Variants in SYT16 observed in about 807,000 individuals in gnomAD.
The protein encoded by SYT16 is synaptotagmin-16.
In SYT16, 42 loss-of-function variants were observed where a neutral mutation model predicts 61.4. The ratio of observed to expected loss-of-function variants is 0.68; its 90% confidence interval spans 0.53 to 0.89. The LOEUF (loss-of-function observed/expected upper bound fraction) is 0.89, where lower values mean the gene tolerates loss of function less well. Among genes scored for constraint, SYT16 ranks in the 40% least tolerant of loss-of-function variants. SYT16 has a pLI of 0.00. For missense variants in SYT16, 804 were observed against 807.3 expected, an observed-to-expected ratio of 1.00 and a Z score of 0.05; for synonymous variants, 314 against 302.3, an observed-to-expected ratio of 1.04 and a Z score of -0.40.
At chr14:62,009,965 G>C (rs1248951396) in intron 3 of SYT16, among the ~76,000 whole-genome samples, 2 of 152,110 alleles carry the variant, frequency 1.3e-5, no homozygotes, top group Admixed American at 6.6e-5. Flanking sequence ...TGTAATCTCT[G>C]GCCTATTTCC....
chr14:62,014,034 TG>T (rs1289164425), intron 3 of SYT16, among the ~76,000 whole-genome samples: 3 of 152,154 alleles, frequency 2.0e-5, no homozygotes, highest in Admixed American at 1.3e-4. Context: ...GGACTCCACT[TG>T]TTCCTGGTTT....
intron 1 of SYT16, among the ~76,000 whole-genome samples, chr14:61,853,974 A>G (rs1465949642): frequency 6.6e-6 from 1 of 152,194 alleles, no homozygotes; most frequent in African/African-American, 2.4e-5. Context: ...GTAAGTCAAA[A>G]AGGTGTACAC....
intron 3 of SYT16, among the ~76,000 whole-genome samples, chr14:62,036,899 G>T (rs1230538136): frequency 6.6e-6 from 1 of 152,144 alleles, no homozygotes; most frequent in Non-Finnish European, 1.5e-5. Context: ...TTCCTGAGGA[G>T]CACTGGTGCC....
At chr14:61,864,242 C>T (rs745406956) in intron 1 of SYT16, among the ~76,000 whole-genome samples, 18 of 152,252 alleles carry the variant, frequency 1.2e-4, no homozygotes, top group Non-Finnish European at 1.6e-4. Flanking sequence ...TACAGGCTGA[C>T]GTTGTCCAAC....
chr14:62,094,212 A>G (rs185542223), intron 7 of SYT16, among the ~76,000 whole-genome samples: 2 of 152,164 alleles, frequency 1.3e-5, no homozygotes, highest in African/African-American at 4.8e-5. Context: ...ATGTCACATT[A>G]TTCACCTGAG....
At chr14:62,060,879 A>G (rs192119321) in intron 3 of SYT16, among the ~76,000 whole-genome samples, 1 of 152,160 alleles carries the variant, frequency 6.6e-6, no homozygotes, top group African/African-American at 2.4e-5. Flanking sequence ...TTCTTTCTAT[A>G]AGAGTTGTGT....
intron 1 of SYT16, among the ~76,000 whole-genome samples, chr14:61,813,619 G>T (rs2045336698): frequency 6.6e-6 from 1 of 152,138 alleles, no homozygotes; most frequent in Non-Finnish European, 1.5e-5. Flanking sequence ...GAGTGAATGG[G>T]GCTGGATGTG....
chr14:62,011,872 T>TACACACACAC (rs1233473446), intron 3 of SYT16, among the ~76,000 whole-genome samples: 3,270 of 135,802 alleles, frequency 0.024, 135 homozygotes, highest in African/African-American at 0.086. Context: ...GAACACTATA[T>TACACACACAC]ATACACACAC....
intron 1 of SYT16, among the ~76,000 whole-genome samples, chr14:61,815,197 G>T (rs1319090988): frequency 6.6e-6 from 1 of 152,162 alleles, no homozygotes; most frequent in Non-Finnish European, 1.5e-5. Flanking sequence ...AGTGATACAG[G>T]AACTACTGTT....
At chr14:62,053,019 G>A (rs539410991) in intron 3 of SYT16, among the ~76,000 whole-genome samples, 7 of 152,306 alleles carry the variant, frequency 4.6e-5, no homozygotes, top group East Asian at 1.9e-4. Flanking sequence ...CTTTGGAACC[G>A]GGTAATGGGT....
chr14:62,026,939 T>A (rs2054124828), intron 3 of SYT16, among the ~76,000 whole-genome samples: 1 of 152,192 alleles, frequency 6.6e-6, no homozygotes, highest in African/African-American at 2.4e-5. Flanking sequence ...GCCTGCTTGA[T>A]CTTTCAGAGA....
intron 1 of SYT16, among the ~76,000 whole-genome samples, chr14:61,964,459 C>T (rs143807132): frequency 1.3e-5 from 2 of 152,258 alleles, no homozygotes; most frequent in South Asian, 2.1e-4. Context: ...TGGAGCCTAA[C>T]GATGTGACTG....
At chr14:61,974,198 G>A (rs2051686254) in intron 2 of SYT16, among the ~76,000 whole-genome samples, 2 of 152,166 alleles carry the variant, frequency 1.3e-5, no homozygotes, top group South Asian at 2.1e-4. Context: ...GGGAGCGGGG[G>A]CAGAGAAGAT....
At chr14:62,060,646 AC>A (rs35280316) in intron 3 of SYT16, among the ~76,000 whole-genome samples, 1 of 151,846 alleles carries the variant, frequency 6.6e-6, no homozygotes, top group African/African-American at 2.4e-5. Context: ...TCTTAAACCA[AC>A]CTTGCCTCTC....
At chr14:61,908,443 G>T (rs1280875376) in intron 1 of SYT16, among the ~76,000 whole-genome samples, 1 of 151,986 alleles carries the variant, frequency 6.6e-6, no homozygotes, top group Non-Finnish European at 1.5e-5. Flanking sequence ...ATTTTTTTAG[G>T]TTTCATAAGA....
chr14:62,096,661 A>G (rs1220672413), intron 7 of SYT16, among the ~76,000 whole-genome samples: 1 of 152,112 alleles, frequency 6.6e-6, no homozygotes, highest in African/African-American at 2.4e-5. Flanking sequence ...ACCTCTATTT[A>G]CATATTGAAA....
chr14:61,990,286 G>A (rs1158362014), intron 2 of SYT16, among the ~76,000 whole-genome samples: 3 of 152,112 alleles, frequency 2.0e-5, no homozygotes, highest in Non-Finnish European at 4.4e-5. Flanking sequence ...GACTACTCTA[G>A]TAAGTCAATA....
intron 2 of SYT16, among the ~76,000 whole-genome samples, chr14:61,984,527 CAG>C (rs2052221374): frequency 6.6e-6 from 1 of 152,074 alleles, no homozygotes; most frequent in African/African-American, 2.4e-5. Flanking sequence ...ATTTTGCTAT[CAG>C]AAAGTAGAAT....
intron 1 of SYT16, among the ~76,000 whole-genome samples, chr14:61,959,004 C>T (rs2051002250): frequency 6.6e-6 from 1 of 151,980 alleles, no homozygotes; most frequent in South Asian, 2.1e-4. Flanking sequence ...ATGAAATGCC[C>T]TTCTTTGTCT....
Sources: gnomAD v4.1 joint callset for allele counts (sites outside exome capture counted in the v4.1 genomes callset) on GRCh38, gnomAD v4.1.1 for gene constraint, MANE v1.5 for transcripts, NCBI Gene and HGNC (gene_info 2026-07-23, HGNC 2026-07-21) for gene names.